Variants in CADM2 observed in about 807,000 individuals in gnomAD.
CADM2 encodes immunoglobulin superfamily member 4D.
In CADM2, 12 loss-of-function variants were observed where a neutral mutation model predicts 49.8. The ratio of observed to expected loss-of-function variants is 0.24; its 90% CI spans 0.15 to 0.39. The LOEUF (loss-of-function observed/expected upper bound fraction) is 0.39. Among genes scored for constraint, CADM2 ranks in the 10% least tolerant of loss-of-function variants. CADM2 has a pLI of 1.00. For missense variants in CADM2, 378 were observed against 492.3 expected, an observed-to-expected ratio of 0.77 and a Z score of 2.20; for synonymous variants, 214 against 175.4, an observed-to-expected ratio of 1.22 and a Z score of -1.74.
chr3:85,788,398 G>A (rs796208941), intron 2 of CADM2, among the ~76,000 whole-genome samples: 13 of 151,782 alleles, frequency 8.6e-5, no homozygotes, highest in East Asian at 3.9e-4. Flanking sequence ...ATTACATTCC[G>A]TAATTTAACG....
intron 1 of CADM2, among the ~76,000 whole-genome samples, chr3:85,367,110 A>G (rs891635253): frequency 6.6e-6 from 1 of 152,098 alleles, no homozygotes; most frequent in Non-Finnish European, 1.5e-5. Context: ...GTTTTGATAT[A>G]TAATATCAAA....
intron 1 of CADM2, among the ~76,000 whole-genome samples, chr3:85,563,380 A>G (rs2062153673): frequency 7.0e-6 from 1 of 143,174 alleles, no homozygotes; most frequent in South Asian, 2.3e-4. Flanking sequence ...GATTCTACGT[A>G]TTGCAAAAAC....
chr3:85,165,748 TAA>T (rs2040454876), intron 1 of CADM2, among the ~76,000 whole-genome samples: 1 of 151,824 alleles, frequency 6.6e-6, no homozygotes, highest in Non-Finnish European at 1.5e-5. Context: ...AAGTTTCATT[TAA>T]AATTGATAAC....
rs2072427788 is a variant in CADM2 at position 85,806,481 on chromosome 3, C to G, written c.238+4285C>G. 2.0e-5 allele frequency among the ~76,000 whole-genome samples: 3 copies of G among 152,054 alleles called. 1 individual carries two copies. In the South Asian group the frequency reaches 6.2e-4, roughly 31 times the overall value. On this transcript the variant is annotated intron_variant, in intron 3 of 9. Transcript: ENST00000383699. ...ACATGTCATGTTAGAGTTGGAAAAG[C>G]CTTGTTTACATGAATTTATTAACTG... is the stretch of plus-strand genomic sequence containing the variant.
chr3:85,932,894 G>A (rs1720773170), intron 6 of CADM2, among the ~76,000 whole-genome samples: 1 of 152,068 alleles, frequency 6.6e-6, no homozygotes, highest in African/African-American at 2.4e-5. Flanking sequence ...GAGTTGTATG[G>A]AAATATGTGT....
chr3:85,934,125 T>C (rs575413897), intron 6 of CADM2, among the ~76,000 whole-genome samples: 27 of 152,226 alleles, frequency 1.8e-4, no homozygotes, highest in African/African-American at 5.8e-4. Context: ...TTCTGATCTT[T>C]CACCTCAAAC....
chr3:85,094,969 T>C (rs572550211), intron 1 of CADM2, among the ~76,000 whole-genome samples: 33 of 152,250 alleles, frequency 2.2e-4, no homozygotes, highest in Middle Eastern at 3.4e-3. Context: ...GAAAGGACCA[T>C]GTATATGAAT....
chr3:85,791,521 GGAGAGA>G (rs373247946), intron 2 of CADM2, among the ~76,000 whole-genome samples: 5 of 131,294 alleles, frequency 3.8e-5, no homozygotes, highest in Non-Finnish European at 7.9e-5. Flanking sequence ...GGGTGGGGAG[GGAGAGA>G]GAGAGAGAGA....
intron 1 of CADM2, among the ~76,000 whole-genome samples, chr3:85,276,073 A>G (rs1384416829): frequency 1.3e-5 from 2 of 151,388 alleles, no homozygotes; most frequent in Admixed American, 1.3e-4. Flanking sequence ...ATGAAATGAT[A>G]TCTCACAAAA....
intron 1 of CADM2, among the ~76,000 whole-genome samples, chr3:85,233,413 T>A (rs2042342836): frequency 6.6e-6 from 1 of 152,154 alleles, no homozygotes; most frequent in South Asian, 2.1e-4. Context: ...CAACATTGAC[T>A]CATCCATCGT....
intron 1 of CADM2, among the ~76,000 whole-genome samples, chr3:85,199,943 G>A (rs1393379903): frequency 1.3e-5 from 2 of 151,934 alleles, no homozygotes; most frequent in Non-Finnish European, 2.9e-5. Flanking sequence ...AAATTCGTGG[G>A]CAGGTTATGC....
chr3:85,305,356 C>CA (rs1164141281), intron 1 of CADM2, among the ~76,000 whole-genome samples: 2 of 151,518 alleles, frequency 1.3e-5, no homozygotes, highest in East Asian at 1.9e-4. Context: ...TCTGTTGATA[C>CA]AAAAAATTAA....
chr3:85,952,163 G>A (rs548155548), intron 7 of CADM2, among the ~76,000 whole-genome samples: 1 of 150,910 alleles, frequency 6.6e-6, no homozygotes, highest in Non-Finnish European at 1.5e-5. Context: ...ATAATTATTG[G>A]ACAGGAGAAA....
chr3:85,140,535 T>G (rs2039546325), intron 1 of CADM2, among the ~76,000 whole-genome samples: 1 of 152,184 alleles, frequency 6.6e-6, no homozygotes, highest in Non-Finnish European at 1.5e-5. Context: ...TCCTTGTAAA[T>G]CCTCCCATAT....
At chr3:85,686,578 T>C (rs1018005316) in intron 1 of CADM2, among the ~76,000 whole-genome samples, 1 of 152,210 alleles carries the variant, frequency 6.6e-6, no homozygotes, top group Admixed American at 6.5e-5. Flanking sequence ...ATAAAATATT[T>C]AGTATCTAAA....
intron 3 of CADM2, among the ~76,000 whole-genome samples, chr3:85,836,746 T>C (rs909472990): frequency 6.6e-6 from 1 of 151,544 alleles, no homozygotes; most frequent in African/African-American, 2.4e-5. Context: ...CTGAAAAACA[T>C]TTCAAAGCTC....
chr3:85,099,382 A>G (rs1339484636), intron 1 of CADM2, among the ~76,000 whole-genome samples: 3 of 152,224 alleles, frequency 2.0e-5, no homozygotes, highest in Admixed American at 6.5e-5. Flanking sequence ...CATAATATGA[A>G]TAATATAATA....
At chr3:85,935,590 G>A (rs1344788794) in intron 6 of CADM2, among the ~76,000 whole-genome samples, 177 bp from the exon 7 acceptor site, 1 of 151,936 alleles carries the variant, frequency 6.6e-6, no homozygotes, top group Non-Finnish European at 1.5e-5. Flanking sequence ...TGCATGGACA[G>A]GTTGTTAGCT....
chr3:85,658,650 G>A (rs1370295901), intron 1 of CADM2, among the ~76,000 whole-genome samples: 1 of 140,374 alleles, frequency 7.1e-6, no homozygotes, highest in African/African-American at 2.6e-5. Context: ...ATGTGTGTGT[G>A]TTCTTGATTA....
Sources: allele counts gnomAD v4.1 joint callset (sites outside exome capture counted in the v4.1 genomes callset), GRCh38; gene constraint gnomAD v4.1.1; transcripts MANE v1.5; gene names NCBI Gene and HGNC (gene_info 2026-07-23, HGNC 2026-07-21).